USP25: variants seen among roughly 807,000 people sequenced by gnomAD.
USP25 encodes ubiquitin specific peptidase 25, also known as ubiquitin carboxyl-terminal hydrolase 25.
A neutral mutation model predicts 158.5 loss-of-function variants in USP25; 85 were observed. The observed-to-expected ratio is 0.54, with a 90% CI of 0.45 to 0.64. The LOEUF (loss-of-function observed/expected upper bound fraction) is 0.64, where lower values mean the gene tolerates loss of function less well. USP25 is among the 30% of genes least tolerant of loss of function. The pLI, the probability that USP25 is intolerant of heterozygous loss-of-function variation, is 0.00. For missense variants in USP25, 1,242 were observed against 1,327.3 expected (o/e 0.94, Z 1.00); for synonymous variants, 464 against 460.4 (o/e 1.01, Z -0.10).
chr21:15,735,765 T>A (rs1318098768), intron 1 of USP25, among the ~76,000 whole-genome samples: 1 of 152,226 alleles, frequency 6.6e-6, no homozygotes, highest in East Asian at 1.9e-4. Flanking sequence ...CTTGTTACTT[T>A]GAAGATTTGG....
At chr21:15,827,678 C>T (rs984624013) in intron 14 of USP25, among the ~76,000 whole-genome samples, 1 of 151,732 alleles carries the variant, frequency 6.6e-6, no homozygotes, top group Non-Finnish European at 1.5e-5. Flanking sequence ...CATTACTAGT[C>T]TGTAACAGAG....
At position 15,847,146 on chromosome 21, in the gene USP25, T is replaced by C. The variant is rs529645638; in HGVS notation, c.2338-517T>C. 7.2e-5 allele frequency among the ~76,000 whole-genome samples: 11 copies of C among 152,198 alleles called. No individual in the cohort carries two copies. In the East Asian group the frequency reaches 1.5e-3, roughly 21 times the overall value. On this transcript the variant is annotated intron_variant, in intron 18 of 25. Coordinates refer to ENST00000400183, the MANE Select transcript of USP25 (RefSeq NM_001283041.3). ...CAAAAACAATAGAAGGATAAAATTA[T>C]AAGGAAAAAAACCCTACAAATTCTG...
chr21:15,766,893 G>A lies in USP25; in HGVS notation c.268+752G>A, dbSNP rs1006647659. Among the ~76,000 whole-genome samples, 21 of 151,926 alleles carry A rather than the reference G, an allele frequency of 1.4e-4. No individual in the cohort carries two copies. The highest frequency in any genetic ancestry group is 4.8e-4 in the African/African-American group (20 of 41,378). Reference sequence around the variant, plus strand: ...GAGAGAATTTCTTATTTTGTTTATAGACATTCTCAAAGTTAGGAAGCAACC... The same window carrying A: ...GAGAGAATTTCTTATTTTGTTTATAAACATTCTCAAAGTTAGGAAGCAACC... On this transcript the variant is annotated intron_variant, in intron 3 of 25. Transcript: ENST00000400183. The surrounding 1 kb of genome is among the most constrained non-coding windows in gnomAD (Gnocchi z 4.0).
intron 1 of USP25, among the ~76,000 whole-genome samples, chr21:15,758,805 A>G (rs1269905227): frequency 7.0e-6 from 1 of 143,334 alleles, no homozygotes; most frequent in South Asian, 2.1e-4. Context: ...TCACAAAACC[A>G]TCAGATCTCA....
At chr21:15,792,440 C>A (rs931256595) in intron 5 of USP25, among the ~76,000 whole-genome samples, 2 of 151,542 alleles carry the variant, frequency 1.3e-5, no homozygotes, top group Non-Finnish European at 3.0e-5. Flanking sequence ...GGAAAGTTAA[C>A]TAATGTTTTG....
chr21:15,803,184 A>G (rs992275605), intron 6 of USP25, among the ~76,000 whole-genome samples: 1 of 151,778 alleles, frequency 6.6e-6, no homozygotes, highest in Non-Finnish European at 1.5e-5. Flanking sequence ...GCATTTAAAG[A>G]ACAAATGATA....
intron 1 of USP25, among the ~76,000 whole-genome samples, chr21:15,756,136 G>C (rs1205956281): frequency 6.6e-6 from 1 of 152,180 alleles, no homozygotes; most frequent in Non-Finnish European, 1.5e-5. Context: ...GTATGCCCAG[G>C]TGCATGGCAA....
At chr21:15,819,839 C>T (rs757648409) in intron 10 of USP25, among the ~76,000 whole-genome samples, 3 of 147,984 alleles carry the variant, frequency 2.0e-5, no homozygotes, top group Non-Finnish European at 4.4e-5. Context: ...GTTTCAAGTG[C>T]ATACTCATTT....
chr21:15,858,605 T>G lies in USP25; in HGVS notation c.2548-5663T>G, dbSNP rs992668488. Among the ~76,000 whole-genome samples, 3 of 152,002 alleles carry G rather than the reference T, an allele frequency of 2.0e-5. No homozygotes were observed. The South Asian group carries it at 6.2e-4, about 31-fold the overall frequency. ...TTCTTGATTATTTCAGTAAACTGTC[T>G]CCCAAAAATTATTTTCTATATCTTT... On this transcript the variant is annotated intron_variant, in intron 20 of 25. Transcript: ENST00000400183.
At chr21:15,832,915 G>T (rs1184840747) in intron 16 of USP25, among the ~76,000 whole-genome samples, 3 of 152,100 alleles carry the variant, frequency 2.0e-5, no homozygotes, top group Admixed American at 6.5e-5. Flanking sequence ...CTACCCGGGA[G>T]GCTGAGGCGG....
chr21:15,769,400 TG>T (rs1390653548), intron 3 of USP25, among the ~76,000 whole-genome samples: 8 of 152,146 alleles, frequency 5.3e-5, no homozygotes, highest in African/African-American at 1.9e-4. Context: ...TGTTGAATTC[TG>T]GAAAAAAGCC....
At chr21:15,827,882 T>C (rs971793898) in intron 14 of USP25, among the ~76,000 whole-genome samples, 1 of 151,908 alleles carries the variant, frequency 6.6e-6, no homozygotes, top group African/African-American at 2.4e-5. Context: ...TTTTTCAGAA[T>C]AAGTTATTCT....
At position 15,826,360 on chromosome 21, in the gene USP25, A is replaced by G; in HGVS notation, c.1461A>G (p.Leu487=). The G allele has an allele frequency of 6.2e-7, 1 of 1,613,782 alleles. No homozygotes were observed. Among genetic ancestry groups the G allele is most frequent in the Non-Finnish European group, 8.5e-7 (1 of 1,179,840 alleles). Residue 487 remains leucine (L), a synonymous_variant, in exon 13 of 26, where the codon TTA becomes TTG. Coordinates refer to ENST00000400183, the MANE Select transcript of USP25 (RefSeq NM_001283041.3). This position sits in a 1 kb window ranked among gnomAD's most constrained non-coding sequence, Gnocchi z 4.8. The part of the protein sequence containing the change: ...PPSGSIPSQT[L]PSTTEQQGAL... The stretch of plus-strand genomic sequence containing the variant: ...GTGGTTCCATACCATCACAGACATT[A>G]CCAAGGTAAAAAGTAATCCTGATGC...
intron 1 of USP25, among the ~76,000 whole-genome samples, chr21:15,753,795 C>T (rs1277817161): frequency 6.6e-6 from 1 of 151,940 alleles, no homozygotes; most frequent in Non-Finnish European, 1.5e-5. Context: ...AGGAGAAAAC[C>T]CATTTTAATT....
chr21:15,787,619 G>T (rs1028128841), intron 4 of USP25, among the ~76,000 whole-genome samples: 1 of 151,798 alleles, frequency 6.6e-6, no homozygotes, highest in African/African-American at 2.4e-5. Flanking sequence ...TAAACTGGTC[G>T]GTTCTTCTTA....
intron 1 of USP25, among the ~76,000 whole-genome samples, chr21:15,735,982 ATGTGTG>A (rs901227357): frequency 4.2e-5 from 5 of 119,758 alleles, no homozygotes; most frequent in Admixed American, 2.5e-4. Context: ...GTGTGTGTGT[ATGTGTG>A]TGTGTGTGTG....
At chr21:15,731,986 A>G (rs895705217) in intron 1 of USP25, among the ~76,000 whole-genome samples, 3 of 152,232 alleles carry the variant, frequency 2.0e-5, no homozygotes, top group Non-Finnish European at 4.4e-5. Context: ...AACAATGGGA[A>G]GAACTTTGTA....
At chr21:15,769,908 T>C (rs1417184917) in intron 3 of USP25, among the ~76,000 whole-genome samples, 1 of 152,050 alleles carries the variant, frequency 6.6e-6, no homozygotes, top group Non-Finnish European at 1.5e-5. Flanking sequence ...TTTAGAGAAA[T>C]TGGTATAAGA....
At position 15,847,734 on chromosome 21, in the gene USP25, G is replaced by A; in HGVS notation, c.2409G>A (p.Gly803=). 6.5e-7 allele frequency: 1 copy of A among 1,550,138 alleles called. No homozygotes were observed. The highest frequency in any genetic ancestry group is 8.7e-7 in the Non-Finnish European group (1 of 1,146,642). ...RVVEVAIPHV[G]KFMIESKEGG... is the part of the protein sequence containing the mutation. ...TAGAGGTGGCGATCCCTCATGTAGGGAAATTTATGATTGAATCAAAGGAGG... is the reference window on the plus strand; with the variant it reads ...TAGAGGTGGCGATCCCTCATGTAGGAAAATTTATGATTGAATCAAAGGAGG... The change falls in exon 19 of 26, where the codon GGG becomes GGA. Residue 803 remains glycine, a synonymous_variant. Coordinates refer to ENST00000400183, the MANE Select transcript of USP25 (RefSeq NM_001283041.3).
Sources: allele counts gnomAD v4.1 joint callset (sites outside exome capture counted in the v4.1 genomes callset), GRCh38; gene constraint gnomAD v4.1.1; non-coding constraint Gnocchi (gnomAD v3.1); transcripts MANE v1.5; gene names NCBI Gene and HGNC (gene_info 2026-07-23, HGNC 2026-07-21).